Variants in PPP1R3A observed in about 807,000 individuals in gnomAD.
The protein encoded by PPP1R3A is protein phosphatase 1 regulatory subunit 3A.
PPP1R3A carries 29 observed loss-of-function variants against 41.7 expected under a neutral mutation model. The observed-to-expected ratio is 0.70, with a 90% confidence interval of 0.52 to 0.95. The LOEUF is 0.95. Ranked by LOEUF, PPP1R3A falls within the 40% of genes least tolerant of loss-of-function variation. The pLI, the probability that PPP1R3A is intolerant of heterozygous loss-of-function variation, is 0.00. For synonymous variants in PPP1R3A, 485 were observed against 453.4 expected (o/e 1.07, Z -0.89); for missense variants, 1,352 against 1,292.4 (o/e 1.05, Z -0.71).
rs758892833 is a variant in PPP1R3A at position 113,879,755 on chromosome 7, T to A, written c.1337A>T (p.His446Leu). 1 of 1,613,444 alleles carries A rather than the reference T, an allele frequency of 6.2e-7. No homozygotes were observed. The highest frequency in any genetic ancestry group is 1.1e-5 in the South Asian group (1 of 91,076). ...AGGTATTTGCACTGTGCCATTGCCA[T>A]GGGCTGGATTAGCATTATCATCCAG... Reference protein sequence around the residue: ...EVLDDNANPAHGNGTVQIPCP... With the variant: ...EVLDDNANPALGNGTVQIPCP... Residue 446 changes from histidine (H) to leucine (L), a missense_variant, in exon 4 of 4, where the codon CAT becomes CTT. Physicochemically the swap from His to Leu is moderately conservative, Grantham distance 99. Coordinates refer to ENST00000284601, the MANE Select transcript of PPP1R3A (RefSeq NM_002711.4).
chr7:113,898,904 A>G (rs1167129147), intron 1 of PPP1R3A, among the ~76,000 whole-genome samples: 1 of 151,792 alleles, frequency 6.6e-6, no homozygotes, highest in Non-Finnish European at 1.5e-5. Context: ...ATGTATATGT[A>G]TGTCCTACAA....
At chr7:113,901,838 A>G (rs1562924015) in intron 1 of PPP1R3A, among the ~76,000 whole-genome samples, 2 of 151,792 alleles carry the variant, frequency 1.3e-5, no homozygotes, top group African/African-American at 2.4e-5. Context: ...CTCTTTCTGC[A>G]TTGTCACAAT....
At chr7:113,909,690 T>C (rs1183690954) in intron 1 of PPP1R3A, among the ~76,000 whole-genome samples, 3 of 152,094 alleles carry the variant, frequency 2.0e-5, no homozygotes, top group African/African-American at 2.4e-5. Context: ...AACAAAGTTA[T>C]TGAGGTTATT....
chr7:113,897,268 A>G (rs555224656), intron 1 of PPP1R3A, among the ~76,000 whole-genome samples: 1 of 151,810 alleles, frequency 6.6e-6, no homozygotes, highest in Non-Finnish European at 1.5e-5. Context: ...CTCCATATAA[A>G]TTAATTTGTA....
In PPP1R3A at chr7:113,918,773, A is replaced by G; in HGVS notation, c.224T>C (p.Val75Ala). 6.2e-7 allele frequency: 1 copy of G among 1,613,938 alleles called. No homozygotes were observed. The highest frequency in any genetic ancestry group is 8.5e-7 in the Non-Finnish European group (1 of 1,179,886). Residue 75 changes from valine to alanine, a missense_variant, in exon 1 of 4, where the codon GTG (valine) becomes GCG (alanine). Coordinates refer to ENST00000284601, the MANE Select transcript of PPP1R3A (RefSeq NM_002711.4). ...CCAGCAATCAAATTCTTTAACAGAC[A>G]CAAGATTGAATCCAAAGGAATCAGC... is the stretch of plus-strand genomic sequence containing the variant. ...SFADSFGFNL[V>A]SVKEFDCWEL...
At chr7:113,915,722 G>C (rs984344004) in intron 1 of PPP1R3A, among the ~76,000 whole-genome samples, 1 of 151,456 alleles carries the variant, frequency 6.6e-6, no homozygotes, top group African/African-American at 2.4e-5. Context: ...GACCCATTTA[G>C]ATTCTGTAAC....
intron 1 of PPP1R3A, among the ~76,000 whole-genome samples, chr7:113,893,853 G>A (rs975204331): frequency 6.6e-6 from 1 of 151,982 alleles, no homozygotes; most frequent in African/African-American, 2.4e-5. Context: ...ATTGATCCAG[G>A]AAATTTCAAC....
chr7:113,877,834 A>C lies in PPP1R3A; in HGVS notation c.3258T>G (p.Leu1086=). 1 of 1,609,598 alleles carries C rather than the reference A, an allele frequency of 6.2e-7. No homozygotes were observed. Among genetic ancestry groups the C allele is most frequent in the South Asian group, 1.1e-5 (1 of 90,978 alleles). ...TTAAGTCATAATGGTAGACAGTTAT[A>C]AGAAATATCAGAAACAAAAGGAAAT... ...IPYFLLFLIF[L]ITVYHYDLMI... Residue 1086 remains leucine, a synonymous_variant, in exon 4 of 4, where the codon CTT becomes CTG. Transcript: ENST00000284601.
intron 1 of PPP1R3A, among the ~76,000 whole-genome samples, chr7:113,904,023 GC>G (rs1797106530): frequency 6.6e-6 from 1 of 151,566 alleles, no homozygotes; most frequent in Non-Finnish European, 1.5e-5. Flanking sequence ...TTTTTCTAAT[GC>G]CTATTGCTCT....
Position 113,878,055 on chromosome 7 carries a change from A to G in PPP1R3A, c.3037T>C (p.Leu1013=), listed in dbSNP as rs1210436596. The stretch of plus-strand genomic sequence containing the variant: ...ATATTCTCAAGAGGTTTGTTGATTA[A>G]AATCATTGGCCCTAGAGATTTTTCC... ...SVEKSLGPMI[L]INKPLENMEE... Residue 1013 remains leucine, a synonymous_variant, in exon 4 of 4, where the codon TTA becomes CTA. Transcript: ENST00000284601. The G allele has an allele frequency of 2.9e-5, 46 of 1,613,300 alleles. No homozygotes were observed. Among genetic ancestry groups the G allele is most frequent in the Non-Finnish European group, 3.9e-5 (46 of 1,179,618 alleles).
intron 3 of PPP1R3A, 41 bp from the exon 4 acceptor site, chr7:113,880,166 T>A (rs1462687255): frequency 1.3e-6 from 2 of 1,511,730 alleles, no homozygotes; most frequent in Non-Finnish European, 1.8e-6. Context: ...GACCATAAGA[T>A]CTTTTAAAAT....
chr7:113,879,948 T>C lies in PPP1R3A; in HGVS notation c.1144A>G (p.Ser382Gly), dbSNP rs1446836353. Residue 382 changes from serine to glycine, a missense_variant, in exon 4 of 4, where the codon AGC becomes GGC. Physicochemically the swap from Ser to Gly is moderately conservative, Grantham distance 56. Coordinates refer to ENST00000284601, the MANE Select transcript of PPP1R3A (RefSeq NM_002711.4). Reference protein sequence around the residue: ...RSLSPSSSAESSVKGDFYCNE... With the variant: ...RSLSPSSSAEGSVKGDFYCNE... ...CAGTAAAAATCTCCCTTTACGGAGC[T>C]TTCTGCTGATGAACTTGGAGACAGA... is the stretch of plus-strand genomic sequence containing the variant. 1 of 1,613,602 alleles carries C rather than the reference T, an allele frequency of 6.2e-7. No homozygotes were observed. The highest frequency in any genetic ancestry group is 1.7e-5 in the Admixed American group (1 of 59,966).
chr7:113,878,318 A>G lies in PPP1R3A; in HGVS notation c.2774T>C (p.Val925Ala), dbSNP rs764517275. 1.2e-5 allele frequency: 20 copies of G among 1,613,062 alleles called. No homozygotes were observed. Among genetic ancestry groups the G allele is most frequent in the Non-Finnish European group, 1.6e-5 (19 of 1,179,646 alleles). The part of the protein sequence containing the change: ...PFSKHHTEIS[V>A]STNEQAIAVE... ...AGCAATTGCCTGCTCATTAGTTGAC[A>G]CTGAAATTTCAGTATGATGTTTGGA... is the stretch of plus-strand genomic sequence containing the variant. The change falls in exon 4 of 4, where the codon GTG becomes GCG. Residue 925 changes from valine (V) to alanine (A), a missense_variant. By Grantham distance (64) the Val-to-Ala change is moderately conservative. Transcript: ENST00000284601.
At chr7:113,886,517 C>A (rs1258361159) in intron 1 of PPP1R3A, among the ~76,000 whole-genome samples, 1 of 152,056 alleles carries the variant, frequency 6.6e-6, no homozygotes, top group African/African-American at 2.4e-5. Flanking sequence ...GTAAATTGCC[C>A]AGTCTTGGGT....
In PPP1R3A at chr7:113,879,256, C is replaced by T. The variant is rs375601394; in HGVS notation, c.1836G>A (p.Gly612=). 1.2e-6 allele frequency: 2 copies of T among 1,613,682 alleles called. No homozygotes were observed. Among genetic ancestry groups the T allele is most frequent in the African/African-American group, 1.3e-5 (1 of 74,990 alleles). Residue 612 remains glycine (G), a synonymous_variant, in exon 4 of 4, where the codon GGG becomes GGA. Coordinates refer to ENST00000284601, the MANE Select transcript of PPP1R3A (RefSeq NM_002711.4). ...TTGATGAACAAACTTGACCAGTTAT[C>T]CCTCCTAAAGCGCTGCCTTCACTAG... The part of the protein sequence containing the change: ...HLTSEGSALG[G]ITGQVCSSRT...
intron 1 of PPP1R3A, among the ~76,000 whole-genome samples, chr7:113,913,248 C>A (rs1362481992): frequency 6.6e-6 from 1 of 152,012 alleles, no homozygotes; most frequent in Non-Finnish European, 1.5e-5. Flanking sequence ...TTTCCAGGAC[C>A]CCAGATTATA....
At position 113,878,746 on chromosome 7, in the gene PPP1R3A, A is replaced by G; in HGVS notation, c.2346T>C (p.Asp782=). ...CTCGTTGACAAAGGGTATAATGTGA[A>G]TCATCATTTCTCCCTTCATGTGGAT... ...AFDPHEGRND[D]SHYTLCQRDT... Residue 782 remains aspartate, a synonymous_variant, in exon 4 of 4, where the codon GAT becomes GAC. Coordinates refer to ENST00000284601, the MANE Select transcript of PPP1R3A (RefSeq NM_002711.4). The G allele has an allele frequency of 1.9e-6, 3 of 1,612,722 alleles. No homozygotes were observed. Among genetic ancestry groups the G allele is most frequent in the Non-Finnish European group, 2.5e-6 (3 of 1,179,594 alleles).
At chr7:113,897,931 G>A (rs1797002781) in intron 1 of PPP1R3A, among the ~76,000 whole-genome samples, 1 of 151,750 alleles carries the variant, frequency 6.6e-6, no homozygotes, top group South Asian at 2.1e-4. Context: ...GGAGTGAAGT[G>A]CAAGAGCCAA....
intron 1 of PPP1R3A, among the ~76,000 whole-genome samples, chr7:113,890,282 G>C (rs140142519): frequency 6.6e-6 from 1 of 152,096 alleles, no homozygotes; most frequent in Non-Finnish European, 1.5e-5. Flanking sequence ...CTATTCAGGG[G>C]CCAGAAATCG....
Sources: gnomAD v4.1 joint callset for allele counts (sites outside exome capture counted in the v4.1 genomes callset) on GRCh38, gnomAD v4.1.1 for gene constraint, MANE v1.5 for transcripts, NCBI Gene and HGNC (gene_info 2026-07-23, HGNC 2026-07-21) for gene names.